The following NAT8L variants were observed in gnomAD, a reference collection of about 807,000 sequenced individuals.
The protein encoded by NAT8L is N-acetylaspartate synthetase.
A neutral mutation model predicts 21.2 loss-of-function variants in NAT8L; 6 were observed. The observed-to-expected ratio is 0.28, with a 90% CI of 0.16 to 0.56. The LOEUF (loss-of-function observed/expected upper bound fraction) is 0.56, where lower values mean the gene tolerates loss of function less well. Among genes scored for constraint, NAT8L ranks in the 20% least tolerant of loss-of-function variants. The probability of loss-of-function intolerance (pLI) is 0.93; values close to 1 mark genes in which losing one functional copy is unlikely to be tolerated. For missense variants in NAT8L, 331 were observed against 433.3 expected (o/e 0.76, Z 2.10); for synonymous variants, 239 against 204.9 (o/e 1.17, Z -1.42).
In NAT8L at chr4:2,060,173, G is replaced by T. The variant is rs1032133221; in HGVS notation, c.376+286G>T. On this transcript the variant is annotated intron_variant, in intron 1 of 2. Transcript: ENST00000423729. The surrounding 1 kb of genome is among the most constrained non-coding windows in gnomAD (Gnocchi z 4.7). ...TGTCCCCTCCCGGGCATCCTGGGTG[G>T]GGGCGGGTGCCAGGGCAGGTAGCGC... is the stretch of plus-strand genomic sequence containing the variant. Among the ~76,000 whole-genome samples the T allele has an allele frequency of 1.3e-5, 2 of 152,010 alleles. No individual in the cohort carries two copies. The highest frequency in any genetic ancestry group is 2.9e-5 in the Non-Finnish European group (2 of 67,944).
chr4:2,067,382 A>C lies in NAT8L; in HGVS notation c.*3255A>C, dbSNP rs1351798726. ...GGGCCTGGGAGGCCCTGTGGACAGCAGGCCTGAGGCCACGAGGTCCTGGGG... is the reference window on the plus strand; with the variant it reads ...GGGCCTGGGAGGCCCTGTGGACAGCCGGCCTGAGGCCACGAGGTCCTGGGG... On this transcript the variant is annotated 3_prime_UTR_variant, in exon 3 of 3. Coordinates refer to ENST00000423729, the MANE Select transcript of NAT8L (RefSeq NM_178557.4). 1.3e-5 allele frequency: 2 copies of C among 152,642 alleles called. No individual in the cohort carries two copies. Among genetic ancestry groups the C allele is most frequent in the Non-Finnish European group, 2.9e-5 (2 of 68,394 alleles). The allele number at this position is 152,642 out of a possible 1,614,324, so 9.5% of individuals were successfully genotyped here. A position where few individuals can be genotyped will look rare whatever the true frequency, so the allele number is the denominator to read the frequency against.
At position 2,059,635 on chromosome 4, in the gene NAT8L, C is replaced by T; in HGVS notation, c.124C>T (p.Leu42=). ...CGCCGCCGGCGCCATGTGGCCCCCG[C>T]TGCCCGCCGCGCCCGGGCCGGCCGC... ...LAAAGAMWPP[L]PAAPGPAAAP... Residue 42 remains leucine (L), a synonymous_variant, in exon 1 of 3, where the codon CTG becomes TTG. Transcript: ENST00000423729. This position sits in a 1 kb window ranked among gnomAD's most constrained non-coding sequence, Gnocchi z 4.8. 1 of 972,994 alleles carries T rather than the reference C, an allele frequency of 1.0e-6. No homozygotes were observed. The highest frequency in any genetic ancestry group is 1.2e-6 in the Non-Finnish European group (1 of 821,678). 60.3% of individuals were successfully genotyped at this position (972,994 alleles called of 1,614,324 possible).
rs1019755455 is a variant in NAT8L at position 2,064,303 on chromosome 4, G to C, written c.*176G>C. The C allele has an allele frequency of 3.2e-6, 1 of 308,060 alleles. No homozygotes were observed. The highest frequency in any genetic ancestry group is 5.7e-5 in the Admixed American group (1 of 17,504). 19.1% of individuals were successfully genotyped at this position (308,060 alleles called of 1,614,324 possible). Reference sequence around the variant, plus strand: ...GGGGGTGCGGGGCTGTTGTTCTTCGGCGACACTTTGGTGGGGGTGGGTTGT... The same window carrying C: ...GGGGGTGCGGGGCTGTTGTTCTTCGCCGACACTTTGGTGGGGGTGGGTTGT... On this transcript the variant is annotated 3_prime_UTR_variant, in exon 3 of 3. Coordinates refer to ENST00000423729, the MANE Select transcript of NAT8L (RefSeq NM_178557.4).
chr4:2,061,279 G>A, intron 2 of NAT8L, 117 bp downstream of exon 2: 1 of 1,516,112 alleles, frequency 6.6e-7, no homozygotes, highest in African/African-American at 1.4e-5. Flanking sequence ...CCTGAGCCGG[G>A]GCCCCTGTGA....
At position 2,064,351 on chromosome 4, in the gene NAT8L, T is replaced by G; in HGVS notation, c.*224T>G. On this transcript the variant is annotated 3_prime_UTR_variant, in exon 3 of 3. Transcript: ENST00000423729. The stretch of plus-strand genomic sequence containing the variant: ...TGTTTGTCGCCATAGCCCCTCGCCC[T>G]TCCCCACCTGCCTGGGCGGCTTGCC... 6 of 215,228 alleles carry G rather than the reference T, an allele frequency of 2.8e-5. No individual in the cohort carries two copies. Among genetic ancestry groups the G allele is most frequent in the East Asian group, 1.1e-4 (1 of 9,116 alleles). The allele number at this position is 215,228 out of a possible 1,614,324, so 13.3% of individuals were successfully genotyped here.
In NAT8L at chr4:2,061,714, G is replaced by T. The variant is rs565132607; in HGVS notation, c.541+552G>T. On this transcript the variant is annotated intron_variant, in intron 2 of 2. Coordinates refer to ENST00000423729, the MANE Select transcript of NAT8L (RefSeq NM_178557.4). ...GAGCTGGGTCTGGGCTCTAGGGGGG[G>T]TGGGGGTTGTTCTCCACCCTCGGGC... 2.5e-3 allele frequency among the ~76,000 whole-genome samples: 381 copies of T among 152,254 alleles called. 2 individuals carry two copies. Among genetic ancestry groups the T allele is most frequent in the African/African-American group, 8.5e-3 (352 of 41,536 alleles).
Position 2,068,138 on chromosome 4 carries a change from G to GTA in NAT8L, c.*4012_*4013insAT, listed in dbSNP as rs1443982240. On this transcript the variant is annotated 3_prime_UTR_variant, in exon 3 of 3. Transcript: ENST00000423729. ...TGCACGTGTTTGAGCGTGTGTGTGTGTGCAAGTGGGTTCTTGGATATGTGT... is the reference window on the plus strand; with the variant it reads ...TGCACGTGTTTGAGCGTGTGTGTGTGTATGCAAGTGGGTTCTTGGATATGTGT... 1 of 152,030 alleles carries GTA rather than the reference G, an allele frequency of 6.6e-6. No homozygotes were observed. The highest frequency in any genetic ancestry group is 1.5e-5 in the Non-Finnish European group (1 of 67,996). The allele number at this position is 152,030 out of a possible 1,614,324, so 9.4% of individuals were successfully genotyped here.
Position 2,059,703 on chromosome 4 carries a change from C to T in NAT8L, c.192C>T (p.His64=). 2.8e-6 allele frequency: 3 copies of T among 1,082,078 alleles called. No individual in the cohort carries two copies. The highest frequency in any genetic ancestry group is 3.3e-6 in the Non-Finnish European group (3 of 896,620). The allele number at this position is 1,082,078 out of a possible 1,614,324, so 67.0% of individuals were successfully genotyped here. Residue 64 remains histidine (H), a synonymous_variant, in exon 1 of 3, where the codon CAC becomes CAT. Coordinates refer to ENST00000423729, the MANE Select transcript of NAT8L (RefSeq NM_178557.4). The surrounding 1 kb of genome is among the most constrained non-coding windows in gnomAD (Gnocchi z 4.8). ...APPPAPVAQP[H]GGAGGAGPPG... is the part of the protein sequence containing the mutation. ...CACCTGCCCCGGTGGCTCAGCCTCA[C>T]GGCGGGGCGGGGGGCGCGGGGCCGC...
At position 2,060,513 on chromosome 4, in the gene NAT8L, C is replaced by A. The variant is rs1407716555; in HGVS notation, c.377-485C>A. Among the ~76,000 whole-genome samples the A allele has an allele frequency of 6.6e-6, 1 of 152,164 alleles. No homozygotes were observed. Among genetic ancestry groups the A allele is most frequent in the Non-Finnish European group, 1.5e-5 (1 of 68,010 alleles). On this transcript the variant is annotated intron_variant, in intron 1 of 2. Coordinates refer to ENST00000423729, the MANE Select transcript of NAT8L (RefSeq NM_178557.4). The surrounding 1 kb of genome is among the most constrained non-coding windows in gnomAD (Gnocchi z 4.7). ...CTGGAAGCGGTGTGGGGCCTCCCTG[C>A]CCTGTCCCTGCCCTCAGAGCTCCCG... is the stretch of plus-strand genomic sequence containing the variant.
chr4:2,062,014 C>T (rs900716867), intron 2 of NAT8L, among the ~76,000 whole-genome samples: 2 of 152,192 alleles, frequency 1.3e-5, no homozygotes, highest in Admixed American at 6.5e-5. Flanking sequence ...TAAACCCAAA[C>T]AGAGCATCTG....
rs1471182607 is a variant in NAT8L, at chr4:2,067,109, T to G, written c.*2982T>G. 2.6e-5 allele frequency: 4 copies of G among 152,264 alleles called. No individual in the cohort carries two copies. Among genetic ancestry groups the G allele is most frequent in the Admixed American group, 6.5e-5 (1 of 15,286 alleles). 9.4% of individuals were successfully genotyped at this position (152,264 alleles called of 1,614,324 possible). ...TCGCTGCAGACCTGGTCCCTGAGGG[T>G]GGGAGGCCTGCTTGTGCTGAAGCTG... is the stretch of plus-strand genomic sequence containing the variant. On this transcript the variant is annotated 3_prime_UTR_variant, in exon 3 of 3. Transcript: ENST00000423729.
In NAT8L at chr4:2,064,140, G is replaced by GCCCCCCCC; in HGVS notation, c.*16_*17insCCCCCCCC. 1 of 1,520,710 alleles carries GCCCCCCCC rather than the reference G, an allele frequency of 6.6e-7. No individual in the cohort carries two copies. Among genetic ancestry groups the GCCCCCCCC allele is most frequent in the Non-Finnish European group, 8.8e-7 (1 of 1,136,806 alleles). The allele number at this position is 1,520,710 out of a possible 1,614,324, so 94.2% of individuals were successfully genotyped here. A position where few individuals can be genotyped will look rare whatever the true frequency, so the allele number is the denominator to read the frequency against. On this transcript the variant is annotated 3_prime_UTR_variant, in exon 3 of 3. Coordinates refer to ENST00000423729, the MANE Select transcript of NAT8L (RefSeq NM_178557.4). The stretch of plus-strand genomic sequence containing the variant: ...GCGCGAGGAGTGACCGCCGCCGCTC[G>GCCCCCCCC]CCCGCCCGCCCCCCCGGCCGCCCTG...
intron 2 of NAT8L, among the ~76,000 whole-genome samples, chr4:2,063,457 C>T (rs981067797): frequency 4.6e-5 from 7 of 152,280 alleles, no homozygotes; most frequent in Non-Finnish European, 1.0e-4. Context: ...GCAGCGCAGC[C>T]TCCAGGCTTG....
intron 2 of NAT8L, 33 bp downstream of exon 2, chr4:2,061,195 G>GC: frequency 6.2e-7 from 1 of 1,608,924 alleles, no homozygotes; most frequent in Admixed American, 1.7e-5. Context: ...CCCGACCTCC[G>GC]CCCCAGACAG....
Position 2,064,746 on chromosome 4 carries a change from CCG to C in NAT8L, c.*623_*624del, listed in dbSNP as rs1729964433. ...CACCTCCTGGAGGGCCTGGTCTGCC[CCG>C]CGCCGCCCGGCTCTGTCCACACCTG... On this transcript the variant is annotated 3_prime_UTR_variant, in exon 3 of 3. Transcript: ENST00000423729. The C allele has an allele frequency of 6.5e-6, 1 of 152,938 alleles. No individual in the cohort carries two copies. The highest frequency in any genetic ancestry group is 2.4e-5 in the African/African-American group (1 of 41,366). The allele number at this position is 152,938 out of a possible 1,614,324, so 9.5% of individuals were successfully genotyped here.
rs749383870 is a variant in NAT8L at position 2,061,184 on chromosome 4, C to T, written c.541+22C>T. 3.7e-6 allele frequency: 6 copies of T among 1,610,142 alleles called. No homozygotes were observed. The East Asian group carries it at 1.1e-4, about 30-fold the overall frequency. On this transcript the variant is annotated intron_variant, in intron 2 of 2. Coordinates refer to ENST00000423729, the MANE Select transcript of NAT8L (RefSeq NM_178557.4). ...CCCGGTGAGTCCCGCTCCCGCCGCT[C>T]CCCGACCTCCGCCCCAGACAGCCCT...
At chr4:2,061,295 G>C (rs1273916730) in intron 2 of NAT8L, 133 bp downstream of exon 2, 5 of 1,475,830 alleles carry the variant, frequency 3.4e-6, no homozygotes, top group South Asian at 1.4e-5. Context: ...TGTGACCTGA[G>C]CCTTCTGGGT....
chr4:2,061,715 T>G (rs12506079), intron 2 of NAT8L, among the ~76,000 whole-genome samples: 12 of 147,702 alleles, frequency 8.1e-5, no homozygotes, highest in South Asian at 4.4e-4. Flanking sequence ...CTAGGGGGGG[T>G]GGGGGTTGTT....
In NAT8L at chr4:2,060,212, G is replaced by A. The variant is rs1307364513; in HGVS notation, c.376+325G>A. ...GGCAGGTAGCGCCCGCCGCGGCTGG[G>A]CCCCGGCGAGTGCCTAAATATAATC... On this transcript the variant is annotated intron_variant, in intron 1 of 2. Coordinates refer to ENST00000423729, the MANE Select transcript of NAT8L (RefSeq NM_178557.4). The surrounding 1 kb of genome is among the most constrained non-coding windows in gnomAD (Gnocchi z 4.7). Among the ~76,000 whole-genome samples the A allele has an allele frequency of 1.3e-5, 2 of 152,094 alleles. No individual in the cohort carries two copies. The highest frequency in any genetic ancestry group is 1.9e-4 in the East Asian group (1 of 5,154).
Sources: allele counts gnomAD v4.1 joint callset (sites outside exome capture counted in the v4.1 genomes callset), GRCh38; gene constraint gnomAD v4.1.1; non-coding constraint Gnocchi (gnomAD v3.1); transcripts MANE v1.5; gene names NCBI Gene and HGNC (gene_info 2026-07-23, HGNC 2026-07-21).